The following LEPR variants were observed in gnomAD, a reference collection of about 807,000 sequenced individuals.
LEPR encodes leptin receptor, also known as OB receptor.
Under a neutral mutation model 114.7 loss-of-function variants are expected in LEPR, and 56 were observed. That is an observed-to-expected ratio of 0.49 (90% CI 0.39 to 0.61). The LOEUF (loss-of-function observed/expected upper bound fraction) is 0.61. Ranked by LOEUF, LEPR falls within the 20% of genes least tolerant of loss-of-function variation. The pLI, the probability that LEPR is intolerant of heterozygous loss-of-function variation, is 0.00. For missense variants in LEPR, 1,202 were observed against 1,352.9 expected (o/e 0.89, Z 1.75); for synonymous variants, 443 against 461.4 (o/e 0.96, Z 0.51).
chr1:65,430,019 T>C (rs781413123), intron 2 of LEPR: 1 of 1,565,884 alleles, frequency 6.4e-7, no homozygotes, highest in Non-Finnish European at 8.7e-7. Context: ...TGCCTTTGGA[T>C]TTCCTGTTAT....
intron 18 of LEPR, 68 bp from the exon 19 acceptor site, chr1:65,622,838 C>A: frequency 6.5e-7 from 1 of 1,541,818 alleles, no homozygotes; most frequent in Non-Finnish European, 8.9e-7. Context: ...CTTGTCTGTT[C>A]ACTAACTGTT....
chr1:65,434,409 C>T, intron 2 of LEPR: 16 of 985,302 alleles, frequency 1.6e-5, no homozygotes, highest in Non-Finnish European at 1.9e-5. Context: ...AAATTGGCCA[C>T]AAGTAAATAA....
chr1:65,615,367 T>C (rs1657465961), intron 14 of LEPR, among the ~76,000 whole-genome samples: 1 of 152,220 alleles, frequency 6.6e-6, no homozygotes, highest in African/African-American at 2.4e-5. Context: ...TAGACACTTA[T>C]TTTACATTCG....
rs534736924 is a variant in LEPR, at chr1:65,602,075, A to G, written c.1403+115A>G. The G allele has an allele frequency of 4.2e-6, 4 of 948,430 alleles. No homozygotes were observed. In the East Asian group the frequency reaches 7.2e-5, roughly 17 times the overall value. The allele number at this position is 948,430 out of a possible 1,614,324, so 58.8% of individuals were successfully genotyped here. On this transcript the variant is annotated intron_variant, in intron 10 of 19. Transcript: ENST00000349533. ...TATTTGCTTCCTGAAAGAGGAAAGT[A>G]TAATATAATGAATCAGGAAATTTTT...
intron 19 of LEPR, chr1:65,626,471 AC>A: frequency 4.6e-6 from 1 of 215,718 alleles, no homozygotes; most frequent in Non-Finnish European, 7.9e-6. Context: ...ACTAGGGCTG[AC>A]CAGGCGCATA....
At chr1:65,548,694 A>T (rs886338480) in intron 2 of LEPR, among the ~76,000 whole-genome samples, 6 of 151,938 alleles carry the variant, frequency 3.9e-5, no homozygotes, top group African/African-American at 1.5e-4. Flanking sequence ...TTTTGAGCCT[A>T]TGTGTGTCTC....
In LEPR at chr1:65,592,721, A is replaced by G; in HGVS notation, c.559A>G (p.Asn187Asp). Residue 187 changes from asparagine to aspartate, a missense_variant, in exon 6 of 20, where the codon AAT (asparagine) becomes GAT (aspartate). Transcript: ENST00000349533. Reference sequence around the variant, plus strand: ...AGGCAGTTTTCAGATGGTTCACTGCAATTGCAGTGTTCATGAATGTTGTGA... The same window carrying G: ...AGGCAGTTTTCAGATGGTTCACTGCGATTGCAGTGTTCATGAATGTTGTGA... ...QKGSFQMVHC[N>D]CSVHECCECL... is the part of the protein sequence containing the mutation. 1 of 1,613,378 alleles carries G rather than the reference A, an allele frequency of 6.2e-7. No homozygotes were observed. The highest frequency in any genetic ancestry group is 8.5e-7 in the Non-Finnish European group (1 of 1,179,504).
intron 19 of LEPR, among the ~76,000 whole-genome samples, chr1:65,628,906 C>A (rs1658367664): frequency 6.6e-6 from 1 of 152,024 alleles, no homozygotes; most frequent in Non-Finnish European, 1.5e-5. Context: ...AGGACAGTCC[C>A]CTTTTCCACC....
At chr1:65,534,642 G>T (rs530952102) in intron 2 of LEPR, among the ~76,000 whole-genome samples, 3 of 152,190 alleles carry the variant, frequency 2.0e-5, no homozygotes, top group Non-Finnish European at 4.4e-5. Flanking sequence ...AGTGCCGAGA[G>T]AGGGAGAAAG....
intron 2 of LEPR, among the ~76,000 whole-genome samples, chr1:65,499,038 A>G (rs758885353): frequency 1.2e-4 from 19 of 152,112 alleles, no homozygotes; most frequent in Non-Finnish European, 2.4e-4. Flanking sequence ...TCTCTGACAG[A>G]GAAATACTAA....
chr1:65,439,160 T>C (rs1200225381), intron 2 of LEPR, among the ~76,000 whole-genome samples: 1 of 152,148 alleles, frequency 6.6e-6, no homozygotes, highest in Non-Finnish European at 1.5e-5. Flanking sequence ...ATCCCTCCAG[T>C]GAATTGGACT....
At chr1:65,614,458 G>A (rs1657400539) in intron 14 of LEPR, among the ~76,000 whole-genome samples, 1 of 152,208 alleles carries the variant, frequency 6.6e-6, no homozygotes, top group African/African-American at 2.4e-5. Flanking sequence ...GAACTTGAGT[G>A]GAGTTGTTGG....
chr1:65,580,601 AT>A (rs1400050517), intron 5 of LEPR, among the ~76,000 whole-genome samples: 3 of 152,138 alleles, frequency 2.0e-5, no homozygotes, highest in Non-Finnish European at 4.4e-5. Flanking sequence ...TAGGAAGGAA[AT>A]TCTCTTTCTT....
intron 2 of LEPR, among the ~76,000 whole-genome samples, chr1:65,431,059 C>T (rs1646475379): frequency 1.3e-5 from 2 of 152,144 alleles, no homozygotes; most frequent in South Asian, 4.1e-4. Flanking sequence ...ACCTGATTAG[C>T]AATGGTCTTG....
At chr1:65,622,029 C>G (rs1400136465) in intron 18 of LEPR, among the ~76,000 whole-genome samples, 1 of 151,870 alleles carries the variant, frequency 6.6e-6, no homozygotes, top group African/African-American at 2.4e-5. Context: ...AGGCTGATGC[C>G]CTTTGGATTT....
At chr1:65,574,767 TA>T (rs1349002998) in intron 5 of LEPR, among the ~76,000 whole-genome samples, 1 of 152,072 alleles carries the variant, frequency 6.6e-6, no homozygotes, top group East Asian at 1.9e-4. Context: ...AAAAAGTTAA[TA>T]AAAAAATAAT....
intron 14 of LEPR, among the ~76,000 whole-genome samples, chr1:65,615,600 A>AT (rs1185321698): frequency 6.6e-6 from 1 of 151,920 alleles, no homozygotes; most frequent in African/African-American, 2.4e-5. Flanking sequence ...GTTGCTTTTC[A>AT]TTTTCTGAGG....
chr1:65,613,473 G>T (rs1276908647), intron 14 of LEPR, among the ~76,000 whole-genome samples: 1 of 142,850 alleles, frequency 7.0e-6, no homozygotes, highest in Admixed American at 7.0e-5. Context: ...TTCAACAGGG[G>T]CCGGGCGCGG....
intron 2 of LEPR, among the ~76,000 whole-genome samples, chr1:65,514,171 T>C (rs1006221066): frequency 2.6e-5 from 4 of 152,246 alleles, no homozygotes; most frequent in African/African-American, 9.6e-5. Flanking sequence ...TTGATCACAG[T>C]GTAAATAGCT....
Sources: gnomAD v4.1 joint callset for allele counts (sites outside exome capture counted in the v4.1 genomes callset) on GRCh38, gnomAD v4.1.1 for gene constraint, MANE v1.5 for transcripts, NCBI Gene and HGNC (gene_info 2026-07-23, HGNC 2026-07-21) for gene names.